The following TNKS variants were observed in gnomAD, a reference collection of about 807,000 sequenced individuals.
The protein encoded by TNKS is poly [ADP-ribose] polymerase tankyrase-1.
In TNKS, 72 loss-of-function variants were observed where a neutral mutation model predicts 135.8. The ratio of observed to expected loss-of-function variants is 0.53; its 90% CI spans 0.44 to 0.64. The LOEUF is 0.64. Among genes scored for constraint, TNKS ranks in the 30% least tolerant of loss-of-function variants. The pLI is 0.00. For missense variants in TNKS, 1,769 were observed against 1,674.0 expected (o/e 1.06, Z -0.99); for synonymous variants, 849 against 649.3 (o/e 1.31, Z -4.68).
chr8:9,708,453 C>G lies in TNKS; in HGVS notation c.1539C>G (p.Ile513Met). The G allele has an allele frequency of 6.2e-7, 1 of 1,609,036 alleles. No homozygotes were observed. Among genetic ancestry groups the G allele is most frequent in the Non-Finnish European group, 8.5e-7 (1 of 1,177,518 alleles). The change falls in exon 9 of 27, where the codon ATC becomes ATG. Residue 513 changes from isoleucine to methionine, a missense_variant. This residue lies in a region of TNKS where 523 missense variants were observed against 541.0 expected (regional missense o/e 0.97). Coordinates refer to ENST00000310430, the MANE Select transcript of TNKS (RefSeq NM_003747.3). ...AKVKKTLALE[I>M]INFKQPQSHE... ...TTAAAAAAACACTCGCTCTGGAAAT[C>G]ATTAATTTCAAACAACCGCAGTCTC...
At chr8:9,682,479 C>T (rs1393406201) in intron 5 of TNKS, among the ~76,000 whole-genome samples, 1 of 152,042 alleles carries the variant, frequency 6.6e-6, no homozygotes, top group African/African-American at 2.4e-5. Context: ...TTTCCTTTTC[C>T]TTAAAGGAGA....
intron 2 of TNKS, 77 bp downstream of exon 2, chr8:9,580,460 C>A: frequency 1.5e-6 from 2 of 1,322,558 alleles, no homozygotes; most frequent in Non-Finnish European, 2.1e-6. Context: ...ATAGTGTTTC[C>A]TGAGAATAGG....
At chr8:9,611,289 C>T (rs1329486375) in intron 2 of TNKS, among the ~76,000 whole-genome samples, 2 of 152,172 alleles carry the variant, frequency 1.3e-5, no homozygotes, top group Non-Finnish European at 2.9e-5. Context: ...TTGTGAATGG[C>T]CATAGTACCC....
intron 20 of TNKS, among the ~76,000 whole-genome samples, chr8:9,757,830 A>C (rs573792287): frequency 6.6e-6 from 1 of 152,380 alleles, no homozygotes; most frequent in Non-Finnish European, 1.5e-5. Context: ...AAAGAAATAC[A>C]TAGCATAAAG....
At chr8:9,560,812 C>G (rs1033762476) in intron 1 of TNKS, among the ~76,000 whole-genome samples, 1 of 151,906 alleles carries the variant, frequency 6.6e-6, no homozygotes, top group Non-Finnish European at 1.5e-5. Flanking sequence ...TTACCTTTTA[C>G]TTAGTGTTTT....
chr8:9,606,154 G>GTTTTT (rs71201957), intron 2 of TNKS, among the ~76,000 whole-genome samples: 1 of 110,210 alleles, frequency 9.1e-6, no homozygotes, highest in Non-Finnish European at 1.8e-5. Context: ...GTTATTTTGT[G>GTTTTT]TTTTTTTTTT....
chr8:9,771,712 CGA>C (rs961296013), intron 26 of TNKS, among the ~76,000 whole-genome samples: 26 of 80,688 alleles, frequency 3.2e-4, no homozygotes, highest in South Asian at 4.9e-4. Context: ...AGGGAGAAAG[CGA>C]GAGAGGAAGG....
At chr8:9,588,894 A>G (rs73664746) in intron 2 of TNKS, among the ~76,000 whole-genome samples, 10,881 of 152,262 alleles carry the variant, frequency 0.071, 1,290 homozygotes, top group African/African-American at 0.25. Context: ...CCTTATTTCA[A>G]ATTAGACTAG....
chr8:9,578,454 G>C lies in TNKS; in HGVS notation c.674-1705G>C, dbSNP rs1006266333. On this transcript the variant is annotated intron_variant, in intron 1 of 26. Coordinates refer to ENST00000310430, the MANE Select transcript of TNKS (RefSeq NM_003747.3). The stretch of plus-strand genomic sequence containing the variant: ...CTGATTCAGTTACTAATACAAAATT[G>C]ATCTTTTCACCTAAAATTATCAGCT... Among the ~76,000 whole-genome samples, 11 of 152,228 alleles carry C rather than the reference G, an allele frequency of 7.2e-5. No homozygotes were observed. In the South Asian group the frequency reaches 1.7e-3, roughly 23 times the overall value.
rs1354379155 is a variant in TNKS at position 9,618,333 on chromosome 8, G to A, written c.994+2656G>A. Among the ~76,000 whole-genome samples the A allele has an allele frequency of 2.0e-5, 3 of 152,126 alleles. No homozygotes were observed. In the East Asian group the frequency reaches 5.8e-4, roughly 29 times the overall value. ...TTTAATAAAGCTATACAAAGCAACA[G>A]TGTACCCTTAATTTTGCAATTAAGG... On this transcript the variant is annotated intron_variant, in intron 3 of 26. Transcript: ENST00000310430.
intron 1 of TNKS, among the ~76,000 whole-genome samples, chr8:9,565,947 T>C (rs10093621): frequency 0.023 from 3,446 of 152,314 alleles, 75 homozygotes; most frequent in African/African-American, 0.061. Context: ...TGTGTCTACA[T>C]GTATATAACT....
intron 1 of TNKS, among the ~76,000 whole-genome samples, chr8:9,573,982 G>C (rs1405330368): frequency 6.6e-6 from 1 of 152,128 alleles, no homozygotes; most frequent in Non-Finnish European, 1.5e-5. Context: ...TAAGTGAATG[G>C]AGAATAGATA....
At chr8:9,750,593 T>C in intron 18 of TNKS, among the ~76,000 whole-genome samples, 1 of 152,170 alleles carries the variant, frequency 6.6e-6, no homozygotes, top group Non-Finnish European at 1.5e-5. Flanking sequence ...CTATCTTCCA[T>C]TCACAGCCTC....
intron 3 of TNKS, among the ~76,000 whole-genome samples, chr8:9,647,794 A>T (rs191511521): frequency 6.6e-6 from 1 of 152,332 alleles, no homozygotes; most frequent in East Asian, 1.9e-4. Flanking sequence ...AATGAACGAC[A>T]TAAGTTCTAT....
intron 3 of TNKS, among the ~76,000 whole-genome samples, chr8:9,662,555 T>G (rs1171322465): frequency 6.6e-6 from 1 of 151,844 alleles, no homozygotes; most frequent in African/African-American, 2.4e-5. Flanking sequence ...TGAGAACACA[T>G]GGACACAGGA....
At chr8:9,687,323 A>G (rs1332846068) in intron 5 of TNKS, among the ~76,000 whole-genome samples, 1 of 152,230 alleles carries the variant, frequency 6.6e-6, no homozygotes, top group African/African-American at 2.4e-5. Flanking sequence ...TATCTAATCA[A>G]GTCACTTCTT....
chr8:9,731,651 T>G (rs1442648086), intron 14 of TNKS, among the ~76,000 whole-genome samples: 1 of 152,112 alleles, frequency 6.6e-6, no homozygotes, highest in African/African-American at 2.4e-5. Flanking sequence ...CAAATGGTGG[T>G]GCCTTCCTAT....
chr8:9,777,857 A>G lies in TNKS; in HGVS notation c.*1121A>G, dbSNP rs1394701805. Reference sequence around the variant, plus strand: ...TTTAGTTGAGAATGCTGGGATTCAGACTCGAATAGTGGATAGATACACACA... The same window carrying G: ...TTTAGTTGAGAATGCTGGGATTCAGGCTCGAATAGTGGATAGATACACACA... On this transcript the variant is annotated 3_prime_UTR_variant, in exon 27 of 27. Transcript: ENST00000310430. The G allele has an allele frequency of 6.6e-6, 1 of 152,480 alleles. No homozygotes were observed. The highest frequency in any genetic ancestry group is 1.5e-5 in the Non-Finnish European group (1 of 68,034). The allele number at this position is 152,480 out of a possible 1,614,324, so 9.4% of individuals were successfully genotyped here.
chr8:9,705,210 T>C (rs1175809211), intron 6 of TNKS, among the ~76,000 whole-genome samples: 2 of 152,056 alleles, frequency 1.3e-5, no homozygotes, highest in East Asian at 3.9e-4. Flanking sequence ...ACCTAGAAGG[T>C]TGATGTGAGG....
Sources: gnomAD v4.1 joint callset for allele counts (sites outside exome capture counted in the v4.1 genomes callset) on GRCh38, gnomAD v4.1.1 for gene constraint, gnomAD v4.1.1 regional missense constraint, MANE v1.5 for transcripts, NCBI Gene and HGNC (gene_info 2026-07-23, HGNC 2026-07-21) for gene names.